PSPH: variants seen among roughly 807,000 people sequenced by gnomAD.
PSPH encodes the protein L-3-phosphoserine phosphatase.
Under a neutral mutation model 23.4 loss-of-function variants are expected in PSPH, and 16 were observed. The observed-to-expected ratio is 0.68, with a 90% CI of 0.46 to 1.04. The LOEUF is 1.04. PSPH is among the 50% of genes least tolerant of loss of function. PSPH has a pLI of 0.00. For synonymous variants in PSPH, 68 were observed against 99.7 expected (o/e 0.68, Z 1.89); for missense variants, 223 against 273.7 (o/e 0.81, Z 1.31).
chr7:56,025,696 C>A (rs1790093200), intron 3 of PSPH, among the ~76,000 whole-genome samples: 1 of 152,110 alleles, frequency 6.6e-6, no homozygotes, highest in South Asian at 2.1e-4. Context: ...CGGGTTCAAG[C>A]AATTCTCCTC....
chr7:56,021,047 A>G, intron 4 of PSPH, 26 bp downstream of exon 4: 1 of 1,612,534 alleles, frequency 6.2e-7, no homozygotes, highest in Non-Finnish European at 8.5e-7. Flanking sequence ...TTATCATTTC[A>G]TAAAGTGAAT....
At chr7:56,019,854 T>G (rs1418689102) in intron 4 of PSPH, 120 bp from the exon 5 acceptor site, 1 of 1,275,992 alleles carries the variant, frequency 7.8e-7, no homozygotes, top group Non-Finnish European at 1.1e-6. Flanking sequence ...GAGCCCAGTG[T>G]GCAACAGACA....
chr7:56,047,299 G>A (rs770182522), intron 1 of PSPH, among the ~76,000 whole-genome samples: 13 of 151,916 alleles, frequency 8.6e-5, no homozygotes, highest in Non-Finnish European at 1.5e-4. Flanking sequence ...GGCTGAGATA[G>A]GAAGCTGAGC....
chr7:56,048,253 C>G (rs1793511103), intron 1 of PSPH, among the ~76,000 whole-genome samples: 1 of 149,998 alleles, frequency 6.7e-6, no homozygotes, highest in African/African-American at 2.5e-5. Flanking sequence ...GCACTCCAGC[C>G]TGGGCAAAAG....
At chr7:56,041,126 G>A (rs1792472462) in intron 1 of PSPH, among the ~76,000 whole-genome samples, 2 of 152,088 alleles carry the variant, frequency 1.3e-5, no homozygotes, top group African/African-American at 2.4e-5. Context: ...CACTTTGGGA[G>A]GCCAAGGCGA....
At chr7:56,050,777 G>C (rs1363691129) in intron 1 of PSPH, among the ~76,000 whole-genome samples, 2 of 152,180 alleles carry the variant, frequency 1.3e-5, no homozygotes, top group Non-Finnish European at 2.9e-5. Context: ...GTACCCAGGG[G>C]TAACTTTGCT....
At chr7:56,016,004 G>T (rs1358512732) in intron 6 of PSPH, among the ~76,000 whole-genome samples, 5 of 151,886 alleles carry the variant, frequency 3.3e-5, no homozygotes, top group Admixed American at 3.3e-4. Flanking sequence ...TCACCCAAGA[G>T]GAAATTCCAG....
intron 1 of PSPH, among the ~76,000 whole-genome samples, chr7:56,039,662 C>T (rs1418792880): frequency 6.7e-6 from 1 of 150,148 alleles, no homozygotes; most frequent in Non-Finnish European, 1.5e-5. Flanking sequence ...TGTAGTCCCA[C>T]CTACTTGTGA....
Position 56,011,868 on chromosome 7 carries a change from T to A in PSPH, c.572A>T (p.Asp191Val), listed in dbSNP as rs1366116431. 6 of 1,600,862 alleles carry A rather than the reference T, an allele frequency of 3.7e-6. No homozygotes were observed. Among genetic ancestry groups the A allele is most frequent in the Non-Finnish European group, 4.3e-6 (5 of 1,168,214 alleles). Reference sequence around the variant, plus strand: ...ATTTCCTCCAAATCCAATGAAAGCATCCTAAGAAGGAAGAAAAGAGAGAGA... The same window carrying A: ...ATTTCCTCCAAATCCAATGAAAGCAACCTAAGAAGGAAGAAAAGAGAGAGA... ...ATDMEACPPA[D>V]AFIGFGGNVI... Residue 191 changes from aspartate (D) to valine (V), a missense_variant and splice_region_variant, in exon 8 of 8, where the codon GAT becomes GTT. Physicochemically the swap from Asp to Val is radical, Grantham distance 152. Coordinates refer to ENST00000275605, the MANE Select transcript of PSPH (RefSeq NM_004577.4).
Position 56,051,373 on chromosome 7 carries a change from T to G in PSPH, c.-527A>C. 2 of 187,206 alleles carry G rather than the reference T, an allele frequency of 1.1e-5. No homozygotes were observed. The highest frequency in any genetic ancestry group is 2.2e-5 in the Non-Finnish European group (2 of 89,002). 11.6% of individuals were successfully genotyped at this position (187,206 alleles called of 1,614,324 possible). On this transcript the variant is annotated 5_prime_UTR_variant, in exon 1 of 8. Coordinates refer to ENST00000275605, the MANE Select transcript of PSPH (RefSeq NM_004577.4). ...AGCACCGCATGATTCCGGGGGAGGG[T>G]GCTTATCAGACTCGCGTGTGGCCCC...
rs149685744 is a variant in PSPH, at chr7:56,028,211, A to G, written c.-20+3718T>C. On this transcript the variant is annotated intron_variant, in intron 3 of 7. Transcript: ENST00000275605. ...CCTCCTGGGTTGTAATGTGGTCCCA[A>G]GGAGAAAACAGAATATTTTTGGCTT... 1.8e-3 allele frequency among the ~76,000 whole-genome samples: 269 copies of G among 152,212 alleles called. 1 individual carries two copies. The highest frequency in any genetic ancestry group is 6.2e-3 in the African/African-American group (257 of 41,548).
chr7:56,021,544 G>A (rs1021735133), intron 3 of PSPH, among the ~76,000 whole-genome samples: 32 of 150,796 alleles, frequency 2.1e-4, no homozygotes, highest in African/African-American at 6.3e-4. Context: ...TCAGCCTCCT[G>A]AGTAGCTCAA....
Position 56,021,189 on chromosome 7 carries a change from C to T in PSPH, c.24G>A (p.Arg8=). The T allele has an allele frequency of 1.2e-6, 2 of 1,614,208 alleles. No homozygotes were observed. Among genetic ancestry groups the T allele is most frequent in the Non-Finnish European group, 1.7e-6 (2 of 1,180,008 alleles). ...CAGCATCTGCTGAGTAGAAAAGCTT[C>T]CTCAGCTCTGAGTGGGAGACCATCG... The part of the protein sequence containing the change: MVSHSEL[R]KLFYSADAVC... Residue 8 remains arginine (R), a synonymous_variant, in exon 4 of 8, where the codon AGG becomes AGA. Transcript: ENST00000275605.
At chr7:56,032,316 GAC>G (rs1791102805) in intron 2 of PSPH, among the ~76,000 whole-genome samples, 1 of 152,128 alleles carries the variant, frequency 6.6e-6, no homozygotes, top group Non-Finnish European at 1.5e-5. Context: ...AGGGTACAAA[GAC>G]AAGGGAGAGG....
chr7:56,017,429 A>G (rs765782861), intron 5 of PSPH, 50 bp from the exon 6 acceptor site: 5 of 1,559,332 alleles, frequency 3.2e-6, no homozygotes, highest in East Asian at 2.3e-5. Context: ...CAAAAGAAAA[A>G]AAAAAAAAAA....
At position 56,040,371 on chromosome 7, in the gene PSPH, C is replaced by T. The variant is rs574447526; in HGVS notation, c.-291-6265G>A. On this transcript the variant is annotated intron_variant, in intron 1 of 7. Coordinates refer to ENST00000275605, the MANE Select transcript of PSPH (RefSeq NM_004577.4). Reference sequence around the variant, plus strand: ...CTATATATCTATATAAAAAAGGAAACATTATTCATTTATTTACTTATTTAT... The same window carrying T: ...CTATATATCTATATAAAAAAGGAAATATTATTCATTTATTTACTTATTTAT... Among the ~76,000 whole-genome samples, 47 of 107,718 alleles carry T rather than the reference C, an allele frequency of 4.4e-4. 2 individuals carry two copies. The highest frequency in any genetic ancestry group is 1.5e-3 in the African/African-American group (45 of 30,774). The allele number at this position is 107,718 out of a possible 152,430, so 70.7% of individuals were successfully genotyped here. A position where few individuals can be genotyped will look rare whatever the true frequency, so the allele number is the denominator to read the frequency against.
Position 56,034,806 on chromosome 7 carries a change from A to G in PSPH, c.-291-700T>C, listed in dbSNP as rs201777240. ...GCTGGGATTACAGGCGTGAGCCACC[A>G]CGCCCGGCCAAGACTACTTATATTC... On this transcript the variant is annotated intron_variant, in intron 1 of 7. Transcript: ENST00000275605. 1.3e-4 allele frequency among the ~76,000 whole-genome samples: 20 copies of G among 152,092 alleles called. No homozygotes were observed. The East Asian group carries it at 2.5e-3, about 19-fold the overall frequency.
chr7:56,027,529 C>T (rs1313332930), intron 3 of PSPH, among the ~76,000 whole-genome samples: 1 of 151,526 alleles, frequency 6.6e-6, no homozygotes, highest in Non-Finnish European at 1.5e-5. Flanking sequence ...TTCGAGACCA[C>T]CCTGGCCAAA....
intron 1 of PSPH, among the ~76,000 whole-genome samples, chr7:56,045,434 G>A (rs767523166): frequency 2.6e-5 from 4 of 152,178 alleles, no homozygotes; most frequent in African/African-American, 4.8e-5. Context: ...CTGCACTCCA[G>A]CCTGGGCACC....
Sources: allele counts gnomAD v4.1 joint callset (sites outside exome capture counted in the v4.1 genomes callset), GRCh38; gene constraint gnomAD v4.1.1; transcripts MANE v1.5; gene names NCBI Gene and HGNC (gene_info 2026-07-23, HGNC 2026-07-21).